The following MAP3K5 variants were observed in gnomAD, a reference collection of about 807,000 sequenced individuals.
The protein encoded by MAP3K5 is mitogen-activated protein kinase kinase kinase 5.
Under a neutral mutation model 158.7 loss-of-function variants are expected in MAP3K5, and 56 were observed. The ratio of observed to expected loss-of-function variants is 0.35; its 90% CI spans 0.28 to 0.44. The LOEUF is 0.44. Ranked by LOEUF, MAP3K5 falls within the 20% of genes least tolerant of loss-of-function variation. MAP3K5 has a pLI of 1.00. For missense variants in MAP3K5, 1,294 were observed against 1,674.8 expected (o/e 0.77, Z 3.97); for synonymous variants, 579 against 601.7 (o/e 0.96, Z 0.55).
At position 136,656,474 on chromosome 6, in the gene MAP3K5, G is replaced by T. The variant is rs765197309; in HGVS notation, c.1527-14C>A. 10 of 1,528,102 alleles carry T rather than the reference G, an allele frequency of 6.5e-6. No individual in the cohort carries two copies. In the East Asian group the frequency reaches 6.8e-5, roughly 10 times the overall value. 94.7% of individuals were successfully genotyped at this position (1,528,102 alleles called of 1,614,324 possible). A position where few individuals can be genotyped will look rare whatever the true frequency, so the allele number is the denominator to read the frequency against. On this transcript the variant is annotated splice_polypyrimidine_tract_variant and intron_variant, in intron 9 of 29. Coordinates refer to ENST00000359015, the MANE Select transcript of MAP3K5 (RefSeq NM_005923.4). ...GACTTGAGGTACCTGAGAAGGAAAA[G>T]ATATAAAACATGTAACAGACAAATT...
chr6:136,716,044 A>C (rs1435284389), intron 2 of MAP3K5, among the ~76,000 whole-genome samples: 1 of 123,622 alleles, frequency 8.1e-6, no homozygotes. Context: ...AAAAAAAAAA[A>C]AAAAAAAAAA....
chr6:136,564,879 T>A (rs896748571), intron 26 of MAP3K5, among the ~76,000 whole-genome samples: 1 of 152,224 alleles, frequency 6.6e-6, no homozygotes, highest in African/African-American at 2.4e-5. Flanking sequence ...CATACACTGC[T>A]GAGTGTTCAA....
At chr6:136,646,226 G>T (rs898278892) in intron 11 of MAP3K5, among the ~76,000 whole-genome samples, 5 of 152,010 alleles carry the variant, frequency 3.3e-5, no homozygotes, top group African/African-American at 7.2e-5. Context: ...AGGAAATAAG[G>T]ACAACATAAA....
At chr6:136,642,015 T>TAAATAAAATAAAATAAATA (rs1777975091) in intron 12 of MAP3K5, among the ~76,000 whole-genome samples, 2 of 110,574 alleles carry the variant, frequency 1.8e-5, no homozygotes, top group Middle Eastern at 4.0e-3. Context: ...TAAAATAAAA[T>TAAATAAAATAAAATAAATA]AAATAAAATA....
chr6:136,779,334 G>A (rs190260179), intron 1 of MAP3K5, among the ~76,000 whole-genome samples: 43 of 151,422 alleles, frequency 2.8e-4, no homozygotes, highest in African/African-American at 9.0e-4. Context: ...TCCCAGCTAC[G>A]TGGGAGGCTG....
intron 7 of MAP3K5, among the ~76,000 whole-genome samples, chr6:136,680,300 C>T (rs1349531227): frequency 2.0e-5 from 3 of 152,160 alleles, no homozygotes; most frequent in Admixed American, 6.5e-5. Flanking sequence ...CTTAATGCCA[C>T]TGAACTGTAC....
intron 23 of MAP3K5, among the ~76,000 whole-genome samples, chr6:136,586,212 G>C (rs902562160): frequency 5.3e-5 from 8 of 152,286 alleles, no homozygotes; most frequent in African/African-American, 1.9e-4. Flanking sequence ...AAGATTCACA[G>C]GCAAAATCAT....
At chr6:136,697,103 A>C (rs1780632328) in intron 5 of MAP3K5, 116 bp downstream of exon 5, 2 of 737,706 alleles carry the variant, frequency 2.7e-6, no homozygotes, top group South Asian at 5.5e-5. Context: ...AGAGTCAATA[A>C]AAAATTACGT....
chr6:136,703,543 C>T lies in MAP3K5; in HGVS notation c.612+1567G>A, dbSNP rs1273306457. 2.6e-5 allele frequency among the ~76,000 whole-genome samples: 4 copies of T among 152,190 alleles called. No individual in the cohort carries two copies. In the South Asian group the frequency reaches 6.2e-4, roughly 24 times the overall value. On this transcript the variant is annotated intron_variant, in intron 3 of 29. Transcript: ENST00000359015. ...CTGAGGTACCAAGCCCAAAGCCTGG[C>T]GTGCAGCGCATGTCCAATCAGTATT...
At chr6:136,775,671 T>C (rs1328081702) in intron 1 of MAP3K5, among the ~76,000 whole-genome samples, 2 of 152,232 alleles carry the variant, frequency 1.3e-5, no homozygotes, top group African/African-American at 4.8e-5. Flanking sequence ...CCTGCAAACT[T>C]AGTCCAATGT....
chr6:136,557,615 T>A lies in MAP3K5; in HGVS notation c.*143A>T. On this transcript the variant is annotated 3_prime_UTR_variant, in exon 30 of 30. Coordinates refer to ENST00000359015, the MANE Select transcript of MAP3K5 (RefSeq NM_005923.4). ...GGAAATTTCAGTGTGTTTTGTCTGT[T>A]TTTTTTTTTTTTAACATGAGTAAAC... is the stretch of plus-strand genomic sequence containing the variant. 1 of 429,232 alleles carries A rather than the reference T, an allele frequency of 2.3e-6. No individual in the cohort carries two copies. The highest frequency in any genetic ancestry group is 4.1e-6 in the Non-Finnish European group (1 of 244,294). The allele number at this position is 429,232 out of a possible 1,614,324, so 26.6% of individuals were successfully genotyped here. A position where few individuals can be genotyped will look rare whatever the true frequency, so the allele number is the denominator to read the frequency against.
At chr6:136,617,804 G>T (rs925407651) in intron 15 of MAP3K5, among the ~76,000 whole-genome samples, 3 of 152,044 alleles carry the variant, frequency 2.0e-5, no homozygotes, top group Non-Finnish European at 2.9e-5. Flanking sequence ...GTAGTGGCAG[G>T]TGCCTGTAAT....
At chr6:136,614,061 G>T in intron 16 of MAP3K5, 98 bp downstream of exon 16, 1 of 1,347,768 alleles carries the variant, frequency 7.4e-7, no homozygotes, top group Non-Finnish European at 1.0e-6. Flanking sequence ...TTTCAGTTTA[G>T]ACAGATTAAG....
chr6:136,614,360 G>A (rs1296167938), intron 15 of MAP3K5, 74 bp from the exon 16 acceptor site: 3 of 1,528,364 alleles, frequency 2.0e-6, no homozygotes, highest in Non-Finnish European at 2.7e-6. Context: ...CAATACAAAT[G>A]GAAAATGTCA....
chr6:136,727,804 C>CA (rs5880305), intron 1 of MAP3K5, among the ~76,000 whole-genome samples: 77,285 of 150,922 alleles, frequency 0.51, 20,233 homozygotes, highest in African/African-American at 0.63. Flanking sequence ...ACTAAAAATA[C>CA]AAAAAAAATT....
chr6:136,580,768 C>T (rs1407067108), intron 24 of MAP3K5, among the ~76,000 whole-genome samples: 2 of 152,026 alleles, frequency 1.3e-5, no homozygotes, highest in Non-Finnish European at 2.9e-5. Flanking sequence ...AAAATAAAGG[C>T]TGTTCTTACT....
At position 136,741,124 on chromosome 6, in the gene MAP3K5, G is replaced by C. The variant is rs192097706; in HGVS notation, c.449-20535C>G. The stretch of plus-strand genomic sequence containing the variant: ...CTCTTAACTAAATGTAAGAAATAAT[G>C]AAACTATATCCAGGCAAATGATAAA... On this transcript the variant is annotated intron_variant, in intron 1 of 29. Coordinates refer to ENST00000359015, the MANE Select transcript of MAP3K5 (RefSeq NM_005923.4). 2.4e-4 allele frequency among the ~76,000 whole-genome samples: 37 copies of C among 152,204 alleles called. No individual in the cohort carries two copies. The East Asian group carries it at 5.0e-3, about 21-fold the overall frequency.
Position 136,698,603 on chromosome 6 carries a change from A to G in MAP3K5, c.692T>C (p.Met231Thr), listed in dbSNP as rs1335898029. 1 of 1,614,060 alleles carries G rather than the reference A, an allele frequency of 6.2e-7. No homozygotes were observed. Among genetic ancestry groups the G allele is most frequent in the Non-Finnish European group, 8.5e-7 (1 of 1,179,964 alleles). Residue 231 changes from methionine to threonine, a missense_variant, in exon 4 of 30, where the codon ATG becomes ACG. Coordinates refer to ENST00000359015, the MANE Select transcript of MAP3K5 (RefSeq NM_005923.4). ...TTGCATGAGCTCTGTCAACCCCTTCATGAAGCTGCTGTCACAGCAGTAGAC... is the reference window on the plus strand; with the variant it reads ...TTGCATGAGCTCTGTCAACCCCTTCGTGAAGCTGCTGTCACAGCAGTAGAC... The part of the protein sequence containing the change: ...NKVYCCDSSF[M>T]KGLTELMQPN...
At chr6:136,696,774 T>A (rs1056926018) in intron 5 of MAP3K5, among the ~76,000 whole-genome samples, 2 of 152,224 alleles carry the variant, frequency 1.3e-5, no homozygotes, top group African/African-American at 4.8e-5. Context: ...AGGTAATCAA[T>A]TACATATTTT....
Sources: gnomAD v4.1 joint callset for allele counts (sites outside exome capture counted in the v4.1 genomes callset) on GRCh38, gnomAD v4.1.1 for gene constraint, MANE v1.5 for transcripts, NCBI Gene and HGNC (gene_info 2026-07-23, HGNC 2026-07-21) for gene names.